The following GMDS variants were observed in gnomAD, a reference collection of about 807,000 sequenced individuals.
GMDS encodes GDP-mannose 4,6 dehydratase.
Under a neutral mutation model 49.9 loss-of-function variants are expected in GMDS, and 20 were observed. The observed-to-expected ratio is 0.40, with a 90% CI of 0.28 to 0.58. GMDS has a LOEUF of 0.58. Ranked by LOEUF, GMDS falls within the 20% of genes least tolerant of loss-of-function variation. The pLI is 0.42. For synonymous variants in GMDS, 177 were observed against 178.6 expected, an observed-to-expected ratio of 0.99 and a Z score of 0.07; for missense variants, 362 against 481.4, an observed-to-expected ratio of 0.75 and a Z score of 2.32.
intron 4 of GMDS, among the ~76,000 whole-genome samples, chr6:2,069,633 A>G (rs369424974): frequency 6.6e-6 from 1 of 152,246 alleles, no homozygotes; most frequent in African/African-American, 2.4e-5. Context: ...TTCTCAAAAG[A>G]AGACATTTAT....
chr6:1,847,968 G>A (rs1757488124), intron 7 of GMDS, among the ~76,000 whole-genome samples: 1 of 152,166 alleles, frequency 6.6e-6, no homozygotes, highest in Non-Finnish European at 1.5e-5. Context: ...CCCTGGGAGT[G>A]TACGGCCAAG....
intron 1 of GMDS, among the ~76,000 whole-genome samples, chr6:2,159,514 CTTT>C (rs1157303919): frequency 1.8e-5 from 2 of 108,180 alleles, no homozygotes; most frequent in Non-Finnish European, 3.8e-5. Flanking sequence ...TTCTTTTTTT[CTTT>C]TTTTTTTTTT....
intron 7 of GMDS, among the ~76,000 whole-genome samples, chr6:1,797,320 G>A (rs1049952893): frequency 6.6e-6 from 1 of 152,158 alleles, no homozygotes; most frequent in Non-Finnish European, 1.5e-5. Context: ...TAGCTGGCCT[G>A]CTATAAGCAC....
At chr6:2,136,104 C>T (rs1251185998) in intron 1 of GMDS, among the ~76,000 whole-genome samples, 1 of 152,160 alleles carries the variant, frequency 6.6e-6, no homozygotes, top group Non-Finnish European at 1.5e-5. Flanking sequence ...TGTGTATCTA[C>T]ACAGAAAAGG....
intron 9 of GMDS, among the ~76,000 whole-genome samples, chr6:1,630,630 T>C (rs1274511240): frequency 6.6e-6 from 1 of 152,234 alleles, no homozygotes; most frequent in Non-Finnish European, 1.5e-5. Flanking sequence ...TCTAACAGGT[T>C]TCTTTAAATG....
chr6:1,665,264 T>C (rs1160131607), intron 9 of GMDS, among the ~76,000 whole-genome samples: 1 of 152,206 alleles, frequency 6.6e-6, no homozygotes, highest in Non-Finnish European at 1.5e-5. Flanking sequence ...GCTTATACTT[T>C]TAAGGGCACA....
Position 2,007,193 on chromosome 6 carries a change from A to G in GMDS, c.346-46227T>C, listed in dbSNP as rs192659268. Among the ~76,000 whole-genome samples the G allele has an allele frequency of 8.8e-4, 134 of 152,326 alleles. 1 individual carries two copies. Among genetic ancestry groups the G allele is most frequent in the African/African-American group, 3.1e-3 (130 of 41,578 alleles). On this transcript the variant is annotated intron_variant, in intron 4 of 10. Transcript: ENST00000380815. ...AAAAGTACCTCAGATTCTGTCAGGCATGCAATTATCCCATGAAACCACAAC... is the reference window on the plus strand; with the variant it reads ...AAAAGTACCTCAGATTCTGTCAGGCGTGCAATTATCCCATGAAACCACAAC...
At chr6:1,876,670 T>C (rs369812668) in intron 7 of GMDS, among the ~76,000 whole-genome samples, 1 of 152,354 alleles carries the variant, frequency 6.6e-6, no homozygotes, top group African/African-American at 2.4e-5. Context: ...AGGTTATTCA[T>C]AGGAAAGCCT....
intron 7 of GMDS, among the ~76,000 whole-genome samples, chr6:1,928,741 G>C (rs866813632): frequency 4.6e-5 from 7 of 152,078 alleles, no homozygotes; most frequent in African/African-American, 1.7e-4. Flanking sequence ...GGCTAAGGCG[G>C]GTGGATCACC....
chr6:1,915,509 T>C (rs1761334558), intron 7 of GMDS, among the ~76,000 whole-genome samples: 1 of 152,244 alleles, frequency 6.6e-6, no homozygotes, highest in Non-Finnish European at 1.5e-5. Context: ...GCTGGGGCCC[T>C]GCCCAAGGCC....
chr6:1,896,796 C>T (rs1326634713), intron 7 of GMDS, among the ~76,000 whole-genome samples: 1 of 152,060 alleles, frequency 6.6e-6, no homozygotes, highest in Non-Finnish European at 1.5e-5. Flanking sequence ...TGCCATCAAG[C>T]GTCTACACTG....
intron 7 of GMDS, among the ~76,000 whole-genome samples, chr6:1,850,660 GAGGC>G (rs1561844880): frequency 1.3e-5 from 2 of 152,154 alleles, no homozygotes; most frequent in Admixed American, 6.6e-5. Flanking sequence ...CGAGGGCTAG[GAGGC>G]TAATAAGCAC....
intron 7 of GMDS, among the ~76,000 whole-genome samples, chr6:1,829,749 A>G (rs1771274697): frequency 6.6e-6 from 1 of 152,216 alleles, no homozygotes; most frequent in Admixed American, 6.5e-5. Context: ...GCTTACACCT[A>G]GTATTTTAAT....
intron 4 of GMDS, among the ~76,000 whole-genome samples, chr6:1,969,261 CAAAAAAAAAAAAAAA>C (rs761741871): frequency 4.3e-4 from 6 of 14,098 alleles, no homozygotes; most frequent in Admixed American, 3.2e-3. Context: ...GGCTCCATCT[CAAAAAAAAAAAAAAA>C]AAAAAAAAAA....
At chr6:2,051,236 G>C (rs1280270404) in intron 4 of GMDS, among the ~76,000 whole-genome samples, 1 of 152,210 alleles carries the variant, frequency 6.6e-6, no homozygotes, top group Non-Finnish European at 1.5e-5. Context: ...CCGCCTGCCA[G>C]TGTCACCTAT....
At chr6:2,026,913 A>T (rs1768635888) in intron 4 of GMDS, among the ~76,000 whole-genome samples, 1 of 152,230 alleles carries the variant, frequency 6.6e-6, no homozygotes, top group African/African-American at 2.4e-5. Flanking sequence ...TGTTACCAAG[A>T]AATAGGAAAT....
intron 7 of GMDS, among the ~76,000 whole-genome samples, chr6:1,914,342 G>A (rs533790345): frequency 2.1e-4 from 32 of 150,968 alleles, no homozygotes; most frequent in African/African-American, 6.8e-4. Flanking sequence ...TGCATTCCCA[G>A]CTACTTGGGA....
chr6:2,026,098 A>C (rs1768582263), intron 4 of GMDS, among the ~76,000 whole-genome samples: 1 of 152,204 alleles, frequency 6.6e-6, no homozygotes, highest in African/African-American at 2.4e-5. Flanking sequence ...TAACTCTAAG[A>C]ACAATTACTT....
intron 1 of GMDS, among the ~76,000 whole-genome samples, chr6:2,140,941 C>T (rs1430789145): frequency 3.3e-5 from 5 of 152,102 alleles, no homozygotes; most frequent in Non-Finnish European, 7.4e-5. Context: ...CTGATGGAAC[C>T]ACCTCCTCTG....
Sources: allele counts gnomAD v4.1 joint callset (sites outside exome capture counted in the v4.1 genomes callset), GRCh38; gene constraint gnomAD v4.1.1; transcripts MANE v1.5; gene names NCBI Gene and HGNC (gene_info 2026-07-23, HGNC 2026-07-21).